ATP11A: variants seen among roughly 807,000 people sequenced by gnomAD.
ATP11A encodes the protein ATPase phospholipid transporting 11A.
A neutral mutation model predicts 154.4 loss-of-function variants in ATP11A; 81 were observed. That is an observed-to-expected ratio of 0.52 (90% confidence interval 0.44 to 0.63). The LOEUF (loss-of-function observed/expected upper bound fraction) is 0.63. ATP11A is among the 30% of genes least tolerant of loss of function. The pLI is 0.00. For missense variants in ATP11A, 1,316 were observed against 1,474.3 expected (o/e 0.89, Z 1.76); for synonymous variants, 623 against 585.9 (o/e 1.06, Z -0.91).
At chr13:112,799,704 A>G (rs954207761) in intron 2 of ATP11A, among the ~76,000 whole-genome samples, 3 of 152,218 alleles carry the variant, frequency 2.0e-5, no homozygotes, top group Non-Finnish European at 4.4e-5. Context: ...CTCACAATTT[A>G]TAAAATACTT....
chr13:112,721,263 GT>G (rs1261115910), intron 1 of ATP11A, among the ~76,000 whole-genome samples: 2 of 152,120 alleles, frequency 1.3e-5, no homozygotes, highest in African/African-American at 4.8e-5. Flanking sequence ...GGTAACTTTT[GT>G]TTCCTTAGCG....
At chr13:112,824,508 T>G in intron 10 of ATP11A, 83 bp downstream of exon 10, 1 of 1,270,752 alleles carries the variant, frequency 7.9e-7, no homozygotes, top group East Asian at 2.3e-5. Context: ...CTCTTGGCCT[T>G]ATTGGCAGTT....
At chr13:112,723,285 T>TCCCCCCCCCCCCCCACCC (rs1566382964) in intron 1 of ATP11A, among the ~76,000 whole-genome samples, 1 of 11,394 alleles carries the variant, frequency 8.8e-5, no homozygotes, top group African/African-American at 4.0e-4. Flanking sequence ...GCCACAGAGT[T>TCCCCCCCCCCCCCCACCC]CCCCACCTCC....
At chr13:112,769,601 C>T (rs141410564) in intron 1 of ATP11A, among the ~76,000 whole-genome samples, 2 of 152,346 alleles carry the variant, frequency 1.3e-5, no homozygotes, top group South Asian at 2.1e-4. Context: ...ATGTGAACCT[C>T]GACACCACCC....
In ATP11A at chr13:112,690,282, C is replaced by G. The variant is rs1162708395; in HGVS notation, c.-135C>G. 1.5e-5 allele frequency: 7 copies of G among 477,776 alleles called. No individual in the cohort carries two copies. The African/African-American group carries it at 1.5e-4, about 10-fold the overall frequency. 29.6% of individuals were successfully genotyped at this position (477,776 alleles called of 1,614,324 possible). On this transcript the variant is annotated 5_prime_UTR_variant, in exon 1 of 30. Transcript: ENST00000375645. This position sits in a 1 kb window ranked among gnomAD's most constrained non-coding sequence, Gnocchi z 5.6. ...CATGAGCGCGGAGGGGCCGCGGCCGCCCCCTGCACCGCCCGGCGCGCCGAG... is the reference window on the plus strand; with the variant it reads ...CATGAGCGCGGAGGGGCCGCGGCCGGCCCCTGCACCGCCCGGCGCGCCGAG...
intron 1 of ATP11A, among the ~76,000 whole-genome samples, chr13:112,735,373 A>C (rs1890894086): frequency 6.6e-6 from 1 of 152,198 alleles, no homozygotes; most frequent in Non-Finnish European, 1.5e-5. Context: ...TGGCTGATGG[A>C]GGCTGTTTCC....
chr13:112,768,747 C>T (rs183005218), intron 1 of ATP11A, among the ~76,000 whole-genome samples: 227 of 152,308 alleles, frequency 1.5e-3, no homozygotes, highest in Middle Eastern at 3.4e-3. Context: ...ATAAACGCAG[C>T]GACCCCTCGG....
rs1162240244 is a variant in ATP11A at position 112,859,819 on chromosome 13, G to T, written c.2727+367G>T. On this transcript the variant is annotated intron_variant, in intron 23 of 29. Transcript: ENST00000375645. The surrounding 1 kb of genome is among the most constrained non-coding windows in gnomAD (Gnocchi z 4.3). Reference sequence around the variant, plus strand: ...TGGACATGGGCCACCCCGGTGCCTGGCACGTTAACACATGCAACGTGCCCA... The same window carrying T: ...TGGACATGGGCCACCCCGGTGCCTGTCACGTTAACACATGCAACGTGCCCA... 6.6e-6 allele frequency among the ~76,000 whole-genome samples: 1 copy of T among 152,218 alleles called. No homozygotes were observed. The highest frequency in any genetic ancestry group is 1.5e-5 in the Non-Finnish European group (1 of 68,038).
At chr13:112,733,768 A>G (rs959489506) in intron 1 of ATP11A, among the ~76,000 whole-genome samples, 2 of 152,180 alleles carry the variant, frequency 1.3e-5, no homozygotes, top group South Asian at 4.1e-4. Context: ...AGTTTATCCT[A>G]TATTTATATA....
At position 112,838,207 on chromosome 13, in the gene ATP11A, G is replaced by A. The variant is rs752886354; in HGVS notation, c.1705+1956G>A. On this transcript the variant is annotated intron_variant, in intron 16 of 29. Transcript: ENST00000375645. This position sits in a 1 kb window ranked among gnomAD's most constrained non-coding sequence, Gnocchi z 7.3. ...TCTGTGTGTCAGAACCCTTCCCCCCGGCTCGGATGAGGCGCAGTCCTGAGA... is the reference window on the plus strand; with the variant it reads ...TCTGTGTGTCAGAACCCTTCCCCCCAGCTCGGATGAGGCGCAGTCCTGAGA... 4.1e-4 allele frequency among the ~76,000 whole-genome samples: 62 copies of A among 152,156 alleles called. No individual in the cohort carries two copies. The highest frequency in any genetic ancestry group is 5.9e-4 in the Non-Finnish European group (40 of 68,022).
At chr13:112,852,785 CG>C (rs1054618948) in intron 18 of ATP11A, among the ~76,000 whole-genome samples, 21 of 131,126 alleles carry the variant, frequency 1.6e-4, no homozygotes, top group African/African-American at 5.6e-4. Context: ...GCCTGGTTGG[CG>C]GGGGGGGATC....
At chr13:112,837,773 G>A (rs2079278682) in intron 16 of ATP11A, among the ~76,000 whole-genome samples, 1 of 152,124 alleles carries the variant, frequency 6.6e-6, no homozygotes, top group East Asian at 1.9e-4. Flanking sequence ...CATCATCAGT[G>A]CCGTCGGGCA....
At chr13:112,739,321 GT>G (rs1891302839) in intron 1 of ATP11A, among the ~76,000 whole-genome samples, 1 of 152,192 alleles carries the variant, frequency 6.6e-6, no homozygotes, top group African/African-American at 2.4e-5. Flanking sequence ...TTTAATTGGT[GT>G]TTTACCAAGG....
At chr13:112,823,025 G>A (rs1197814974) in intron 8 of ATP11A, among the ~76,000 whole-genome samples, 2 of 152,156 alleles carry the variant, frequency 1.3e-5, no homozygotes, top group African/African-American at 4.8e-5. Context: ...TGCTCTAGAG[G>A]TCTCTCGGGG....
chr13:112,716,137 C>T (rs1164307486), intron 1 of ATP11A, among the ~76,000 whole-genome samples: 1 of 152,110 alleles, frequency 6.6e-6, no homozygotes, highest in Non-Finnish European at 1.5e-5. Flanking sequence ...GTCCTCTGGC[C>T]TTCTGCAGAT....
In ATP11A at chr13:112,825,439, T is replaced by C. The variant is rs1250054627; in HGVS notation, c.882T>C (p.Asn294=). 9 of 1,611,274 alleles carry C rather than the reference T, an allele frequency of 5.6e-6. No individual in the cohort carries two copies. The highest frequency in any genetic ancestry group is 7.6e-6 in the Non-Finnish European group (9 of 1,178,710). Residue 294 remains asparagine, a synonymous_variant, in exon 11 of 30, where the codon AAT becomes AAC. Coordinates refer to ENST00000375645, the MANE Select transcript of ATP11A (RefSeq NM_015205.3). ...QKRSAVEKSM[N]AFLIVYLCIL... ...TGTCCTTTTGTTTTAGATCGATGAA[T>C]GCGTTCCTCATTGTGTATCTCTGCA...
intron 1 of ATP11A, among the ~76,000 whole-genome samples, chr13:112,693,402 G>A (rs547069162): frequency 6.7e-5 from 10 of 150,028 alleles, no homozygotes; most frequent in East Asian, 3.9e-4. Context: ...CTAGGGTGAT[G>A]TATGTGCTGT....
chr13:112,843,073 G>T (rs552212317), intron 17 of ATP11A, among the ~76,000 whole-genome samples: 1 of 152,148 alleles, frequency 6.6e-6, no homozygotes, highest in African/African-American at 2.4e-5. Context: ...GCGTGGCTGG[G>T]TGGACATGCT....
intron 28 of ATP11A, among the ~76,000 whole-genome samples, chr13:112,876,744 G>A (rs985335495): frequency 2.4e-4 from 36 of 152,258 alleles, no homozygotes; most frequent in African/African-American, 7.5e-4. Context: ...CTCCTGCAGG[G>A]TGTGAGGCTC....
Sources: allele counts gnomAD v4.1 joint callset (sites outside exome capture counted in the v4.1 genomes callset), GRCh38; gene constraint gnomAD v4.1.1; non-coding constraint Gnocchi (gnomAD v3.1); transcripts MANE v1.5; gene names NCBI Gene and HGNC (gene_info 2026-07-23, HGNC 2026-07-21).